Variants in DHX40 observed in about 807,000 individuals in gnomAD.
DHX40 encodes probable ATP-dependent RNA helicase DHX40.
A neutral mutation model predicts 89.6 loss-of-function variants in DHX40; 28 were observed. The observed-to-expected ratio is 0.31, with a 90% CI of 0.23 to 0.43. The LOEUF is 0.43. Ranked by LOEUF, DHX40 falls within the 20% of genes least tolerant of loss-of-function variation. The probability of loss-of-function intolerance (pLI) is 1.00; values close to 1 mark genes in which losing one functional copy is unlikely to be tolerated. For synonymous variants in DHX40, 226 were observed against 283.6 expected (o/e 0.80, Z 2.04); for missense variants, 457 against 844.0 (o/e 0.54, Z 5.68).
chr17:59,587,747 C>G, intron 11 of DHX40, 149 bp from the exon 12 acceptor site: 1 of 791,656 alleles, frequency 1.3e-6, no homozygotes, highest in Non-Finnish European at 2.0e-6. Context: ...CATGAGCCAC[C>G]ACGCCTGGCC....
chr17:59,588,903 G>T (rs552005956), intron 12 of DHX40, among the ~76,000 whole-genome samples: 119 of 152,126 alleles, frequency 7.8e-4, no homozygotes, highest in Non-Finnish European at 1.2e-3. Flanking sequence ...GTATTTGGAC[G>T]TACAGTTGTT....
intron 12 of DHX40, among the ~76,000 whole-genome samples, chr17:59,589,951 C>G (rs1257183797): frequency 6.6e-6 from 1 of 150,916 alleles, no homozygotes; most frequent in Non-Finnish European, 1.5e-5. Context: ...GAACTCCTGA[C>G]CTCAGGTGAT....
intron 12 of DHX40, among the ~76,000 whole-genome samples, chr17:59,598,110 A>G (rs2030226297): frequency 6.6e-6 from 1 of 151,966 alleles, no homozygotes; most frequent in Non-Finnish European, 1.5e-5. Context: ...CAATTGATCC[A>G]CTTGCCTTGG....
chr17:59,588,240 A>C (rs1459891251), intron 12 of DHX40, among the ~76,000 whole-genome samples, 187 bp downstream of exon 12: 15 of 148,444 alleles, frequency 1.0e-4, no homozygotes, highest in East Asian at 9.7e-4. Context: ...AAAAAAAAAA[A>C]ACCAAAAACA....
chr17:59,603,710 T>C (rs1567901708), intron 15 of DHX40: 1 of 152,208 alleles, frequency 6.6e-6, no homozygotes, highest in Non-Finnish European at 1.5e-5. Flanking sequence ...CCATAAAATT[T>C]TTGTTAATTA....
In DHX40 at chr17:59,565,750, G is replaced by A. The variant is rs1406309999; in HGVS notation, c.79G>A (p.Glu27Lys). The change falls in exon 1 of 18, where the codon GAG becomes AAG. Residue 27 changes from glutamate (E) to lysine (K), a missense_variant. Physicochemically the swap from Glu to Lys is moderately conservative, Grantham distance 56. Transcript: ENST00000251241. ...TGAGCGGTCAAGAGACCTCCAGGAA[G>A]AGCGGCTCTCGGCTGTTTGCATCGC... ...EGERSRDLQE[E>K]RLSAVCIADR... 6 of 1,605,388 alleles carry A rather than the reference G, an allele frequency of 3.7e-6. No homozygotes were observed. Among genetic ancestry groups the A allele is most frequent in the Non-Finnish European group, 5.1e-6 (6 of 1,179,484 alleles).
At position 59,590,476 on chromosome 17, in the gene DHX40, A is replaced by T. The variant is rs138010441; in HGVS notation, c.1582+2423A>T. Among the ~76,000 whole-genome samples the T allele has an allele frequency of 8.3e-4, 126 of 151,176 alleles. 1 individual carries two copies. Among genetic ancestry groups the T allele is most frequent in the Non-Finnish European group, 1.5e-3 (103 of 67,750 alleles). On this transcript the variant is annotated intron_variant, in intron 12 of 17. Coordinates refer to ENST00000251241, the MANE Select transcript of DHX40 (RefSeq NM_024612.5). ...TTTTTTTTTAATTTAAAAAATTTTTAAATTTTATTGAGACAAGGTCTCACT... is the reference window on the plus strand; with the variant it reads ...TTTTTTTTTAATTTAAAAAATTTTTTAATTTTATTGAGACAAGGTCTCACT...
intron 2 of DHX40, among the ~76,000 whole-genome samples, chr17:59,567,538 C>T (rs1415528983): frequency 6.6e-6 from 1 of 152,198 alleles, no homozygotes; most frequent in Non-Finnish European, 1.5e-5. Flanking sequence ...TCTGTCTATA[C>T]AATCAGCCTC....
Position 59,607,419 on chromosome 17 carries a change from GTAA to G in DHX40, c.*253_*255del. 5 of 690,428 alleles carry G rather than the reference GTAA, an allele frequency of 7.2e-6. No homozygotes were observed. The highest frequency in any genetic ancestry group is 3.8e-5 in the South Asian group (2 of 52,484). The allele number at this position is 690,428 out of a possible 1,614,324, so 42.8% of individuals were successfully genotyped here. A position where few individuals can be genotyped will look rare whatever the true frequency, so the allele number is the denominator to read the frequency against. Reference sequence around the variant, plus strand: ...ATGAAACCAATGAAAGACAGTACATGTAATAATATTTTCCTCAGTACAATTTTG... The same window carrying G: ...ATGAAACCAATGAAAGACAGTACATGTAATATTTTCCTCAGTACAATTTTG... On this transcript the variant is annotated 3_prime_UTR_variant, in exon 18 of 18. Coordinates refer to ENST00000251241, the MANE Select transcript of DHX40 (RefSeq NM_024612.5).
chr17:59,568,615 T>G (rs2048742060), intron 2 of DHX40, among the ~76,000 whole-genome samples: 1 of 152,080 alleles, frequency 6.6e-6, no homozygotes, highest in Admixed American at 6.6e-5. Context: ...AATAGAGCAG[T>G]TATGACAATA....
At chr17:59,606,890 C>G (rs2030894548) in intron 17 of DHX40, 143 bp from the exon 18 acceptor site, 1 of 799,432 alleles carries the variant, frequency 1.3e-6, no homozygotes, top group South Asian at 1.9e-5. Flanking sequence ...GACTACATTG[C>G]TTTTGAAAGG....
intron 14 of DHX40, among the ~76,000 whole-genome samples, chr17:59,601,550 T>A (rs779447835): frequency 7.9e-5 from 12 of 152,176 alleles, no homozygotes; most frequent in Non-Finnish European, 1.8e-4. Flanking sequence ...TACATTTTAT[T>A]TTTCAGGTCT....
chr17:59,603,352 A>G (rs1394527857), intron 15 of DHX40: 1 of 152,248 alleles, frequency 6.6e-6, no homozygotes, highest in Non-Finnish European at 1.5e-5. Flanking sequence ...GATAATAACA[A>G]TGAATAGACA....
rs1375691055 is a variant in DHX40 at position 59,579,561 on chromosome 17, A to C, written c.1160+3A>C. ...CTGGAGGTGGTTCCAATTTCAAAGT[A>C]AGTCTCTATGTCAAATCTTTTTATT... On this transcript the variant is annotated splice_donor_region_variant and intron_variant, in intron 9 of 17. Coordinates refer to ENST00000251241, the MANE Select transcript of DHX40 (RefSeq NM_024612.5). The C allele has an allele frequency of 8.5e-7, 1 of 1,171,950 alleles. No individual in the cohort carries two copies. The allele number at this position is 1,171,950 out of a possible 1,614,324, so 72.6% of individuals were successfully genotyped here. A position where few individuals can be genotyped will look rare whatever the true frequency, so the allele number is the denominator to read the frequency against.
At position 59,577,296 on chromosome 17, in the gene DHX40, C is replaced by T. The variant is rs750074222; in HGVS notation, c.1004C>T (p.Pro335Leu). 1.9e-6 allele frequency: 3 copies of T among 1,613,834 alleles called. No homozygotes were observed. The highest frequency in any genetic ancestry group is 2.5e-6 in the Non-Finnish European group (3 of 1,179,816). ...DQQRRIFLPP[P>L]PGIRKCVIST... ...CAGAGGAGGATATTTTTGCCACCAC[C>T]ACCTGGAATTAGAAAATGTGTCATA... The change falls in exon 8 of 18, where the codon CCA (proline) becomes CTA (leucine). Residue 335 changes from proline to leucine, a missense_variant. Coordinates refer to ENST00000251241, the MANE Select transcript of DHX40 (RefSeq NM_024612.5).
rs1351395154 is a variant in DHX40, at chr17:59,607,463, A to G, written c.*291A>G. The G allele has an allele frequency of 5.1e-6, 3 of 590,638 alleles. No homozygotes were observed. In the Admixed American group the frequency reaches 8.9e-5, roughly 18 times the overall value. The allele number at this position is 590,638 out of a possible 1,614,324, so 36.6% of individuals were successfully genotyped here. On this transcript the variant is annotated 3_prime_UTR_variant, in exon 18 of 18. Transcript: ENST00000251241. ...TACAATTTTGCTGGCCTTAACTGGT[A>G]TCAAACGCTGTCATTGAGATGTTTT...
At chr17:59,591,499 CT>C (rs2049082207) in intron 12 of DHX40, among the ~76,000 whole-genome samples, 1 of 151,240 alleles carries the variant, frequency 6.6e-6, no homozygotes, top group African/African-American at 2.4e-5. Flanking sequence ...GTGACCAACT[CT>C]AATAGTCTTT....
At chr17:59,606,029 C>A (rs1215550550) in intron 17 of DHX40, among the ~76,000 whole-genome samples, 1 of 151,532 alleles carries the variant, frequency 6.6e-6, no homozygotes, top group Admixed American at 6.6e-5. Context: ...TTCCAAGGGG[C>A]TTTTTCTTTC....
chr17:59,587,841 T>C (rs2049020865), intron 11 of DHX40, 55 bp from the exon 12 acceptor site: 1 of 1,529,906 alleles, frequency 6.5e-7, no homozygotes, highest in African/African-American at 1.4e-5. Context: ...TGATGAATGT[T>C]ACATTTGTAC....
Sources: gnomAD v4.1 joint callset for allele counts (sites outside exome capture counted in the v4.1 genomes callset) on GRCh38, gnomAD v4.1.1 for gene constraint, MANE v1.5 for transcripts, NCBI Gene and HGNC (gene_info 2026-07-23, HGNC 2026-07-21) for gene names.